The following METTL24 variants were observed in gnomAD, a reference collection of about 807,000 sequenced individuals.
METTL24 encodes the protein probable methyltransferase-like protein 24.
A neutral mutation model predicts 32.7 loss-of-function variants in METTL24; 29 were observed. The observed-to-expected ratio is 0.89, with a 90% CI of 0.66 to 1.21. The LOEUF is 1.21. METTL24 is among the 50% of genes most tolerant of loss of function. The pLI is 0.00. For missense variants in METTL24, 439 were observed against 468.1 expected (o/e 0.94, Z 0.57); for synonymous variants, 163 against 179.5 (o/e 0.91, Z 0.73).
In METTL24 at chr6:110,358,302, G is replaced by A. The variant is rs1268218029; in HGVS notation, c.-30C>T. On this transcript the variant is annotated 5_prime_UTR_variant, in exon 1 of 5. Coordinates refer to ENST00000338882, the MANE Select transcript of METTL24 (RefSeq NM_001123364.3). ...CTACACTCGGGGTCCCGCGGGCCGC[G>A]CCTGGCCGGCAGCAGGGATGTAGCC... is the stretch of plus-strand genomic sequence containing the variant. The A allele has an allele frequency of 2.1e-6, 3 of 1,413,390 alleles. No individual in the cohort carries two copies. Among genetic ancestry groups the A allele is most frequent in the Non-Finnish European group, 2.8e-6 (3 of 1,087,432 alleles). 87.6% of individuals were successfully genotyped at this position (1,413,390 alleles called of 1,614,324 possible).
At chr6:110,322,419 A>G (rs776372154) in intron 2 of METTL24, among the ~76,000 whole-genome samples, 1 of 152,196 alleles carries the variant, frequency 6.6e-6, no homozygotes. Context: ...GAACCTCTAG[A>G]TGATGGTTTT....
chr6:110,261,879 C>A (rs941438070), intron 4 of METTL24, among the ~76,000 whole-genome samples: 1 of 152,036 alleles, frequency 6.6e-6, no homozygotes, highest in Non-Finnish European at 1.5e-5. Flanking sequence ...GGGTACATAA[C>A]GAAATGAAGG....
chr6:110,329,025 C>T (rs1204168180), intron 1 of METTL24, among the ~76,000 whole-genome samples: 6 of 152,166 alleles, frequency 3.9e-5, no homozygotes, highest in Admixed American at 3.9e-4. Flanking sequence ...CTTCTAATGC[C>T]CCATTCCTCT....
Position 110,358,231 on chromosome 6 carries a change from C to G in METTL24, c.42G>C (p.Leu14=). 6.7e-7 allele frequency: 1 copy of G among 1,487,278 alleles called. No individual in the cohort carries two copies. The highest frequency in any genetic ancestry group is 8.9e-7 in the Non-Finnish European group (1 of 1,125,682). The allele number at this position is 1,487,278 out of a possible 1,614,324, so 92.1% of individuals were successfully genotyped here. A position where few individuals can be genotyped will look rare whatever the true frequency, so the allele number is the denominator to read the frequency against. Residue 14 remains leucine (L), a synonymous_variant, in exon 1 of 5, where the codon CTG becomes CTC. Transcript: ENST00000338882. ...ERPPGRGCGV[L]RRCLLGAVLL... ...GCACAGCCCCGAGTAGACACCGGCG[C>G]AGGACGCCGCAGCCCCTCCCGGGCG...
At chr6:110,352,147 C>T (rs1772617157) in intron 1 of METTL24, among the ~76,000 whole-genome samples, 1 of 152,190 alleles carries the variant, frequency 6.6e-6, no homozygotes, top group South Asian at 2.1e-4. Flanking sequence ...AACTCATCTT[C>T]CTTAACGGGA....
Position 110,335,566 on chromosome 6 carries a change from G to GT in METTL24, c.319-12695dup, listed in dbSNP as rs527344096. Among the ~76,000 whole-genome samples the GT allele has an allele frequency of 3.8e-4, 25 of 66,140 alleles. 1 individual carries two copies. The highest frequency in any genetic ancestry group is 8.7e-4 in the South Asian group (1 of 1,154). 43.4% of individuals were successfully genotyped at this position (66,140 alleles called of 152,430 possible). A position where few individuals can be genotyped will look rare whatever the true frequency, so the allele number is the denominator to read the frequency against. ...TGCTTTGTACTTGTAGGGAATCATT[G>GT]TTTTTTTTTTTTTTTTTTTTTTTTT... On this transcript the variant is annotated intron_variant, in intron 1 of 4. Coordinates refer to ENST00000338882, the MANE Select transcript of METTL24 (RefSeq NM_001123364.3).
chr6:110,300,102 C>T (rs1421622049), intron 3 of METTL24, among the ~76,000 whole-genome samples: 1 of 152,042 alleles, frequency 6.6e-6, no homozygotes, highest in Non-Finnish European at 1.5e-5. Flanking sequence ...TACAGTGAGC[C>T]CTCCATAGCT....
At position 110,358,080 on chromosome 6, in the gene METTL24, G is replaced by A. The variant is rs1434948252; in HGVS notation, c.193C>T (p.Pro65Ser). The A allele has an allele frequency of 1.0e-6, 1 of 999,338 alleles. No homozygotes were observed. The highest frequency in any genetic ancestry group is 1.2e-6 in the Non-Finnish European group (1 of 840,828). 61.9% of individuals were successfully genotyped at this position (999,338 alleles called of 1,614,324 possible). The change falls in exon 1 of 5, where the codon CCG (proline) becomes TCG (serine). Residue 65 changes from proline (P) to serine (S), a missense_variant. Transcript: ENST00000338882. ...GPHLPPAPGQ[P>S]RGASRRQVTY... ...ACCTGCCTCCTGCTGGCGCCGCGCG[G>A]CTGGCCCGGCGCGGGCGGCAGGTGC...
chr6:110,272,943 T>G (rs1770982942), intron 4 of METTL24, among the ~76,000 whole-genome samples: 1 of 152,222 alleles, frequency 6.6e-6, no homozygotes, highest in South Asian at 2.1e-4. Context: ...TTATTTCTTT[T>G]GCTGTGCAGA....
chr6:110,269,892 T>C (rs1431156673), intron 4 of METTL24, among the ~76,000 whole-genome samples: 1 of 152,196 alleles, frequency 6.6e-6, no homozygotes, highest in African/African-American at 2.4e-5. Context: ...AGAGGACTCC[T>C]GATTGAGATT....
chr6:110,301,971 T>C (rs1771523580), intron 3 of METTL24, among the ~76,000 whole-genome samples: 1 of 152,138 alleles, frequency 6.6e-6, no homozygotes, highest in Non-Finnish European at 1.5e-5. Flanking sequence ...GGCAATTTTA[T>C]ATTTTCATTA....
chr6:110,281,806 A>T (rs1200153415), intron 4 of METTL24, among the ~76,000 whole-genome samples: 2 of 151,182 alleles, frequency 1.3e-5, no homozygotes, highest in African/African-American at 4.8e-5. Flanking sequence ...CCCCAAAAGC[A>T]GTCAAAATGA....
intron 1 of METTL24, among the ~76,000 whole-genome samples, chr6:110,328,623 A>C (rs1320453978): frequency 6.6e-6 from 1 of 152,148 alleles, no homozygotes; most frequent in African/African-American, 2.4e-5. Flanking sequence ...AAAGAAAGTG[A>C]TTCTCTCAAG....
chr6:110,276,413 T>G (rs1224054716), intron 4 of METTL24, among the ~76,000 whole-genome samples: 1 of 152,204 alleles, frequency 6.6e-6, no homozygotes, highest in Non-Finnish European at 1.5e-5. Context: ...ATCACGCCAC[T>G]GCACTCCAGC....
intron 1 of METTL24, among the ~76,000 whole-genome samples, chr6:110,347,983 G>A (rs137980384): frequency 1.3e-3 from 205 of 152,214 alleles, no homozygotes; most frequent in African/African-American, 4.5e-3. Context: ...TATGCATTAC[G>A]TTTCAAGAAT....
At chr6:110,257,649 G>T (rs928952614) in intron 4 of METTL24, among the ~76,000 whole-genome samples, 7 of 152,092 alleles carry the variant, frequency 4.6e-5, no homozygotes, top group Admixed American at 1.3e-4. Context: ...TCTACTAAGA[G>T]CCCAGCTGCC....
chr6:110,304,129 A>C (rs1183557480), intron 3 of METTL24, among the ~76,000 whole-genome samples: 2 of 152,212 alleles, frequency 1.3e-5, no homozygotes, highest in African/African-American at 2.4e-5. Flanking sequence ...CAACATCAAC[A>C]AAAAGGAAGA....
chr6:110,285,632 G>GT (rs539492989), intron 4 of METTL24, among the ~76,000 whole-genome samples: 4 of 152,154 alleles, frequency 2.6e-5, no homozygotes, highest in South Asian at 2.1e-4. Flanking sequence ...GGCATTAGCT[G>GT]TTTTTTTAAC....
intron 1 of METTL24, among the ~76,000 whole-genome samples, chr6:110,351,331 C>T (rs1490327745): frequency 6.6e-6 from 1 of 151,992 alleles, no homozygotes; most frequent in East Asian, 1.9e-4. Context: ...GTAGTATATC[C>T]AAAGTGCCAA....
Sources: gnomAD v4.1 joint callset for allele counts (sites outside exome capture counted in the v4.1 genomes callset) on GRCh38, gnomAD v4.1.1 for gene constraint, MANE v1.5 for transcripts, NCBI Gene and HGNC (gene_info 2026-07-23, HGNC 2026-07-21) for gene names.